The following GBE1 variants were observed in gnomAD, a reference collection of about 807,000 sequenced individuals.
GBE1 encodes the protein 1,4-alpha-glucan branching enzyme 1, also known as 1,4-alpha-glucan-branching enzyme.
GBE1 carries 70 observed loss-of-function variants against 88.8 expected under a neutral mutation model. That is an observed-to-expected ratio of 0.79 (90% CI 0.65 to 0.96). The LOEUF is 0.96. Ranked by LOEUF, GBE1 falls within the 40% of genes least tolerant of loss-of-function variation. The pLI is 0.00. For synonymous variants in GBE1, 284 were observed against 300.1 expected (o/e 0.95, Z 0.56); for missense variants, 872 against 871.0 (o/e 1.00, Z -0.01).
At chr3:81,541,697 C>T (rs1279960781) in intron 12 of GBE1, among the ~76,000 whole-genome samples, 3 of 151,976 alleles carry the variant, frequency 2.0e-5, no homozygotes, top group Non-Finnish European at 4.4e-5. Context: ...TCTGCCAGTG[C>T]CTCGATCTAG....
chr3:81,648,212 T>A (rs1390365776), intron 5 of GBE1, among the ~76,000 whole-genome samples: 1 of 152,106 alleles, frequency 6.6e-6, no homozygotes, highest in Non-Finnish European at 1.5e-5. Flanking sequence ...GCCTAGTCAT[T>A]GAAGCAGGTG....
At chr3:81,574,856 T>C (rs746356345) in intron 12 of GBE1, among the ~76,000 whole-genome samples, 3 of 152,128 alleles carry the variant, frequency 2.0e-5, no homozygotes, top group South Asian at 2.1e-4. Context: ...ATAATAGATA[T>C]GAAGTGTTTT....
intron 7 of GBE1, chr3:81,613,134 G>T (rs1238408784): frequency 5.3e-6 from 2 of 374,692 alleles, no homozygotes; most frequent in South Asian, 2.7e-5. Context: ...CAGTCCTTGG[G>T]AGCAAGCTGC....
chr3:81,719,714 T>C (rs1356932373), intron 1 of GBE1, among the ~76,000 whole-genome samples: 1 of 152,202 alleles, frequency 6.6e-6, no homozygotes, highest in African/African-American at 2.4e-5. Context: ...AGTTTGAAAC[T>C]ATATATCAGA....
chr3:81,741,785 T>TATATAGAGTATTATACTCTACATA (rs1252825131), intron 1 of GBE1, among the ~76,000 whole-genome samples: 1 of 148,490 alleles, frequency 6.7e-6, no homozygotes, highest in Non-Finnish European at 1.5e-5. Flanking sequence ...CTCTACATAA[T>TATATAGAGTATTATACTCTACATA]ATATAGAGTA....
intron 7 of GBE1, among the ~76,000 whole-genome samples, chr3:81,625,131 T>C (rs1355203396): frequency 6.6e-6 from 1 of 150,832 alleles, no homozygotes; most frequent in Non-Finnish European, 1.5e-5. Flanking sequence ...GAGGGATGTG[T>C]GGTGTGGGGA....
chr3:81,540,888 G>C (rs1279843758), intron 12 of GBE1, among the ~76,000 whole-genome samples: 1 of 151,924 alleles, frequency 6.6e-6, no homozygotes, highest in African/African-American at 2.4e-5. Flanking sequence ...GCTCTCAAAG[G>C]TTATTTGTAG....
At chr3:81,571,370 C>G (rs1384780060) in intron 12 of GBE1, among the ~76,000 whole-genome samples, 1 of 152,142 alleles carries the variant, frequency 6.6e-6, no homozygotes, top group Non-Finnish European at 1.5e-5. Context: ...GTGTTAACAT[C>G]TCATGTCATG....
intron 7 of GBE1, among the ~76,000 whole-genome samples, chr3:81,624,660 A>C (rs1306264091): frequency 6.6e-6 from 1 of 151,918 alleles, no homozygotes; most frequent in Non-Finnish European, 1.5e-5. Context: ...ACATGCATAC[A>C]CACACACATA....
In GBE1 at chr3:81,568,688, G is replaced by A. The variant is rs2029660; in HGVS notation, c.1618+9237C>T. On this transcript the variant is annotated intron_variant, in intron 12 of 15. Transcript: ENST00000429644. ...AAGCATTCCAAAAGTTCCCAAATGC[G>A]TTAAGGATTGTTCTTAAAAGGTTGA... Among the ~76,000 whole-genome samples the A allele has an allele frequency of 2.7e-4, 41 of 152,030 alleles. 1 individual carries two copies. The highest frequency in any genetic ancestry group is 8.2e-4 in the African/African-American group (34 of 41,498).
At chr3:81,522,065 C>T (rs558913689) in intron 14 of GBE1, among the ~76,000 whole-genome samples, 1 of 151,206 alleles carries the variant, frequency 6.6e-6, no homozygotes, top group Non-Finnish European at 1.5e-5. Context: ...ATGCTGGGTG[C>T]ATTTTAATAA....
intron 3 of GBE1, among the ~76,000 whole-genome samples, chr3:81,667,730 T>G (rs1265000874): frequency 6.6e-6 from 1 of 152,218 alleles, no homozygotes; most frequent in East Asian, 1.9e-4. Context: ...TTGGTTCTGT[T>G]TATGTGATGG....
intron 5 of GBE1, 65 bp downstream of exon 5, chr3:81,648,791 C>T (rs1704804077): frequency 2.1e-6 from 2 of 952,948 alleles, no homozygotes; most frequent in Admixed American, 3.1e-5. Context: ...TTGTAATTAG[C>T]TTTTCTAATA....
chr3:81,677,912 A>G (rs1216522128), intron 2 of GBE1, among the ~76,000 whole-genome samples: 3 of 152,218 alleles, frequency 2.0e-5, no homozygotes, highest in African/African-American at 7.2e-5. Context: ...GAGTGCCACT[A>G]AATTCAGAAC....
chr3:81,741,808 T>A (rs1470027476), intron 1 of GBE1, among the ~76,000 whole-genome samples: 5 of 148,266 alleles, frequency 3.4e-5, no homozygotes, highest in Non-Finnish European at 7.4e-5. Flanking sequence ...ATACTCTACA[T>A]AATATAGAGT....
chr3:81,521,371 C>G (rs1405840289), intron 14 of GBE1, among the ~76,000 whole-genome samples: 1 of 151,550 alleles, frequency 6.6e-6, no homozygotes, highest in Admixed American at 6.6e-5. Context: ...AGACTCTTCA[C>G]AGTAAAAATC....
chr3:81,595,127 TA>T (rs1177322179), intron 7 of GBE1, among the ~76,000 whole-genome samples: 1,859 of 135,896 alleles, frequency 0.014, 15 homozygotes, highest in Middle Eastern at 0.044. Flanking sequence ...TTTACTAAGT[TA>T]AAAAAAAAAA....
intron 14 of GBE1, among the ~76,000 whole-genome samples, chr3:81,507,981 A>G (rs1367087365): frequency 5.3e-5 from 8 of 152,164 alleles, no homozygotes; most frequent in Non-Finnish European, 1.0e-4. Context: ...AAACTGTACA[A>G]TGCAAAATAG....
At chr3:81,638,575 C>A (rs929180568) in intron 7 of GBE1, among the ~76,000 whole-genome samples, 1 of 152,100 alleles carries the variant, frequency 6.6e-6, no homozygotes, top group African/African-American at 2.4e-5. Context: ...ATGGGTGACA[C>A]ACTTGTCAGA....
Sources: allele counts gnomAD v4.1 joint callset (sites outside exome capture counted in the v4.1 genomes callset), GRCh38; gene constraint gnomAD v4.1.1; transcripts MANE v1.5; gene names NCBI Gene and HGNC (gene_info 2026-07-23, HGNC 2026-07-21).